The following AK5 variants were observed in gnomAD, a reference collection of about 807,000 sequenced individuals.
AK5 encodes adenylate kinase isoenzyme 5.
In AK5, 27 loss-of-function variants were observed where a neutral mutation model predicts 69.5. The observed-to-expected ratio is 0.39, with a 90% confidence interval of 0.29 to 0.54. AK5 has a LOEUF of 0.54. Among genes scored for constraint, AK5 ranks in the 20% least tolerant of loss-of-function variants. The probability of loss-of-function intolerance (pLI) is 0.71; values close to 1 mark genes in which losing one functional copy is unlikely to be tolerated. For synonymous variants in AK5, 260 were observed against 244.4 expected, an observed-to-expected ratio of 1.06 and a Z score of -0.60; for missense variants, 531 against 700.4, an observed-to-expected ratio of 0.76 and a Z score of 2.73.
intron 8 of AK5, among the ~76,000 whole-genome samples, chr1:77,423,308 G>A (rs1650978386): frequency 2.0e-5 from 3 of 150,110 alleles, no homozygotes; most frequent in African/African-American, 7.3e-5. Flanking sequence ...CTGCATAAAT[G>A]TGAGTTCCCT....
intron 8 of AK5, among the ~76,000 whole-genome samples, chr1:77,429,981 A>G (rs1360552470): frequency 6.6e-6 from 1 of 152,194 alleles, no homozygotes; most frequent in Non-Finnish European, 1.5e-5. Context: ...TTTTGACTTT[A>G]TCCTAAGAGC....
intron 6 of AK5, among the ~76,000 whole-genome samples, chr1:77,369,103 G>A (rs542135296): frequency 1.1e-4 from 17 of 152,150 alleles, no homozygotes; most frequent in Non-Finnish European, 2.1e-4. Flanking sequence ...TTATTTGTCA[G>A]TAAAAAATAA....
At position 77,282,073 on chromosome 1, in the gene AK5, G is replaced by A; in HGVS notation, c.-241G>A. On this transcript the variant is annotated 5_prime_UTR_variant, in exon 1 of 14. Transcript: ENST00000354567. ...GCCGCGGCACAGCTGCTCGGCGCCT[G>A]CAGCTCCGGCTCGGGGGCTGGAACC... 1 of 382,644 alleles carries A rather than the reference G, an allele frequency of 2.6e-6. No homozygotes were observed. Among genetic ancestry groups the A allele is most frequent in the South Asian group, 8.0e-5 (1 of 12,434 alleles). 23.7% of individuals were successfully genotyped at this position (382,644 alleles called of 1,614,324 possible). A position where few individuals can be genotyped will look rare whatever the true frequency, so the allele number is the denominator to read the frequency against.
At chr1:77,309,912 G>A (rs1659849794) in intron 5 of AK5, among the ~76,000 whole-genome samples, 1 of 151,922 alleles carries the variant, frequency 6.6e-6, no homozygotes, top group African/African-American at 2.4e-5. Context: ...TCTCAGTCAT[G>A]TTCGAGATAT....
chr1:77,548,004 G>A (rs1659624570), intron 13 of AK5, among the ~76,000 whole-genome samples: 2 of 152,110 alleles, frequency 1.3e-5, no homozygotes, highest in South Asian at 4.2e-4. Context: ...TGATTGAGCA[G>A]GTGTTTTAGA....
At chr1:77,349,794 T>C (rs1384624661) in intron 6 of AK5, among the ~76,000 whole-genome samples, 1 of 152,230 alleles carries the variant, frequency 6.6e-6, no homozygotes, top group Non-Finnish European at 1.5e-5. Context: ...ACTATCTCTT[T>C]CTTACCTATC....
intron 6 of AK5, among the ~76,000 whole-genome samples, chr1:77,371,634 C>G (rs913136407): frequency 1.3e-5 from 2 of 152,106 alleles, no homozygotes; most frequent in African/African-American, 4.8e-5. Flanking sequence ...GACACTGGAG[C>G]AATTTACTGT....
At chr1:77,441,872 C>T (rs1038417531) in intron 8 of AK5, among the ~76,000 whole-genome samples, 2 of 152,104 alleles carry the variant, frequency 1.3e-5, no homozygotes, top group African/African-American at 2.4e-5. Context: ...TGCAGATTTG[C>T]TCTCTGTGGC....
chr1:77,502,153 CA>C (rs770609511), intron 10 of AK5, among the ~76,000 whole-genome samples: 2 of 152,094 alleles, frequency 1.3e-5, no homozygotes, highest in African/African-American at 2.4e-5. Context: ...TGAAGTTAAA[CA>C]AGGTAGAAAT....
intron 7 of AK5, among the ~76,000 whole-genome samples, chr1:77,412,324 T>C (rs529187513): frequency 1.3e-5 from 2 of 152,264 alleles, no homozygotes; most frequent in Admixed American, 6.5e-5. Context: ...GTCCCCTTGG[T>C]AAAGTGCATA....
chr1:77,427,714 A>C (rs1485648351), intron 8 of AK5, among the ~76,000 whole-genome samples: 1 of 152,220 alleles, frequency 6.6e-6, no homozygotes, highest in African/African-American at 2.4e-5. Context: ...AAAATCATCA[A>C]CAACATATGT....
chr1:77,486,230 T>G, intron 9 of AK5, 78 bp from the exon 10 acceptor site: 2 of 972,128 alleles, frequency 2.1e-6, no homozygotes, highest in South Asian at 2.9e-5. Context: ...AAGGTTTGGG[T>G]TTTTATATAA....
At chr1:77,354,862 T>C (rs1662407668) in intron 6 of AK5, among the ~76,000 whole-genome samples, 1 of 152,190 alleles carries the variant, frequency 6.6e-6, no homozygotes, top group Non-Finnish European at 1.5e-5. Flanking sequence ...ATAGAAGTAA[T>C]AGATTTTTTT....
intron 6 of AK5, among the ~76,000 whole-genome samples, chr1:77,393,694 A>C (rs1311194200): frequency 2.6e-5 from 4 of 152,164 alleles, no homozygotes; most frequent in Non-Finnish European, 5.9e-5. Context: ...TCTACCTTTC[A>C]GCATTCCATA....
intron 12 of AK5, among the ~76,000 whole-genome samples, chr1:77,526,230 A>G (rs988460055): frequency 6.6e-6 from 1 of 152,112 alleles, no homozygotes; most frequent in African/African-American, 2.4e-5. Context: ...GGGGAAAGGA[A>G]GAGGAAGGTG....
intron 8 of AK5, among the ~76,000 whole-genome samples, chr1:77,450,518 A>T (rs999688321): frequency 1.3e-5 from 2 of 150,054 alleles, no homozygotes; most frequent in African/African-American, 2.5e-5. Flanking sequence ...CTGTGCCAAG[A>T]GTTCTCATGA....
At chr1:77,483,640 A>C (rs1286819245) in intron 9 of AK5, among the ~76,000 whole-genome samples, 2 of 152,190 alleles carry the variant, frequency 1.3e-5, no homozygotes, top group Admixed American at 6.5e-5. Flanking sequence ...TATCTTTGAA[A>C]CATGCTTAAC....
At chr1:77,550,337 C>G (rs1324213216) in intron 13 of AK5, among the ~76,000 whole-genome samples, 1 of 152,158 alleles carries the variant, frequency 6.6e-6, no homozygotes, top group African/African-American at 2.4e-5. Flanking sequence ...TTTGCTGACT[C>G]AGAATTGCAG....
intron 6 of AK5, among the ~76,000 whole-genome samples, chr1:77,376,515 A>G (rs1438794363): frequency 6.7e-6 from 1 of 148,488 alleles, no homozygotes; most frequent in Non-Finnish European, 1.5e-5. Flanking sequence ...GCATGTAACT[A>G]TTTCTATGGG....
Sources: gnomAD v4.1 joint callset for allele counts (sites outside exome capture counted in the v4.1 genomes callset) on GRCh38, gnomAD v4.1.1 for gene constraint, MANE v1.5 for transcripts, NCBI Gene and HGNC (gene_info 2026-07-23, HGNC 2026-07-21) for gene names.